The following PCNX1 variants were observed in gnomAD, a reference collection of about 807,000 sequenced individuals.
The protein encoded by PCNX1 is pecanex-like protein 1.
A neutral mutation model predicts 242.2 loss-of-function variants in PCNX1; 78 were observed. The ratio of observed to expected loss-of-function variants is 0.32; its 90% CI spans 0.27 to 0.39. The LOEUF is 0.39. PCNX1 is among the 10% of genes least tolerant of loss of function. The pLI is 1.00. For missense variants in PCNX1, 2,581 were observed against 2,856.5 expected, an observed-to-expected ratio of 0.90 and a Z score of 2.20; for synonymous variants, 1,024 against 1,032.9, an observed-to-expected ratio of 0.99 and a Z score of 0.17.
chr14:70,921,860 C>T (rs2056389779), intron 1 of PCNX1, among the ~76,000 whole-genome samples: 1 of 152,126 alleles, frequency 6.6e-6, no homozygotes, highest in Admixed American at 6.5e-5. Flanking sequence ...ATGTTGCAAA[C>T]ATTATGACAC....
Position 70,994,427 on chromosome 14 carries a change from A to ATATATGTATG in PCNX1, c.2445-1311_2445-1310insATGTATGTAT, listed in dbSNP as rs930212552. ...TATATATATATATATATATATATAT[A>ATATATGTATG]TATGTATGTATGTATGTTTCAACAT... On this transcript the variant is annotated intron_variant, in intron 7 of 35. Transcript: ENST00000304743. Among the ~76,000 whole-genome samples the ATATATGTATG allele has an allele frequency of 9.6e-4, 85 of 88,682 alleles. 2 individuals carry two copies. The highest frequency in any genetic ancestry group is 3.5e-3 in the African/African-American group (85 of 24,048). 58.2% of individuals were successfully genotyped at this position (88,682 alleles called of 152,430 possible). A position where few individuals can be genotyped will look rare whatever the true frequency, so the allele number is the denominator to read the frequency against.
At chr14:71,016,093 G>C (rs1362053627) in intron 11 of PCNX1, among the ~76,000 whole-genome samples, 1 of 152,156 alleles carries the variant, frequency 6.6e-6, no homozygotes, top group Non-Finnish European at 1.5e-5. Context: ...TTAACAAAAG[G>C]CTTATAGTAC....
intron 4 of PCNX1, 32 bp from the exon 5 acceptor site, chr14:70,968,989 A>G (rs756619703): frequency 8.1e-7 from 1 of 1,227,608 alleles, no homozygotes; most frequent in Non-Finnish European, 1.2e-6. Flanking sequence ...CTGTTAATAT[A>G]AGGTCCTCAC....
rs79385311 is a variant in PCNX1 at position 70,928,928 on chromosome 14, T to C, written c.154-17987T>C. 1.4e-3 allele frequency among the ~76,000 whole-genome samples: 208 copies of C among 152,338 alleles called. 1 individual carries two copies. The highest frequency in any genetic ancestry group is 4.9e-3 in the African/African-American group (204 of 41,582). On this transcript the variant is annotated intron_variant, in intron 1 of 35. Transcript: ENST00000304743. ...TTGCTGCTACTTGATGGTTTGGGAA[T>C]AGGTACCTTAATCTCATCAGAAAAC...
intron 26 of PCNX1, among the ~76,000 whole-genome samples, chr14:71,065,388 CAT>C (rs1354463429): frequency 1.3e-5 from 2 of 152,148 alleles, no homozygotes; most frequent in South Asian, 2.1e-4. Flanking sequence ...AGCTTTTCTT[CAT>C]ATGTTTTTTG....
chr14:71,053,179 C>T, intron 24 of PCNX1: 1 of 433,160 alleles, frequency 2.3e-6, no homozygotes, highest in South Asian at 1.7e-5. Flanking sequence ...AATTATTATT[C>T]CTCTGGACCA....
chr14:71,042,478 A>G (rs552894362), intron 19 of PCNX1, among the ~76,000 whole-genome samples: 1 of 152,136 alleles, frequency 6.6e-6, no homozygotes, highest in African/African-American at 2.4e-5. Flanking sequence ...TGATACAAGT[A>G]TAGCTCCGCC....
intron 26 of PCNX1, among the ~76,000 whole-genome samples, chr14:71,072,535 G>A (rs549225345): frequency 5.6e-4 from 85 of 152,130 alleles, no homozygotes; most frequent in Middle Eastern, 3.4e-3. Context: ...ATCTTTCATC[G>A]TACCACCACC....
chr14:71,004,797 C>T lies in PCNX1; in HGVS notation c.2630-4837C>T, dbSNP rs779272749. 3.1e-4 allele frequency among the ~76,000 whole-genome samples: 47 copies of T among 152,240 alleles called. 1 individual carries two copies. Among genetic ancestry groups the T allele is most frequent in the Non-Finnish European group, 4.7e-4 (32 of 68,012 alleles). On this transcript the variant is annotated intron_variant, in intron 8 of 35. Coordinates refer to ENST00000304743, the MANE Select transcript of PCNX1 (RefSeq NM_014982.3). ...AAGTATAATATATTCATTGAGATTG[C>T]ATTATGAACACAGTGCTATCTCCAT...
At chr14:70,924,211 GAC>G (rs2056493088) in intron 1 of PCNX1, among the ~76,000 whole-genome samples, 2 of 132,026 alleles carry the variant, frequency 1.5e-5, no homozygotes, top group East Asian at 2.2e-4. Flanking sequence ...CAGCCTGGGT[GAC>G]ACAGAGTGAG....
chr14:70,931,849 C>T (rs749485292), intron 1 of PCNX1, among the ~76,000 whole-genome samples: 7 of 152,224 alleles, frequency 4.6e-5, no homozygotes, highest in Non-Finnish European at 7.3e-5. Context: ...TAGGGCCAGG[C>T]ACGGTGGCTC....
intron 27 of PCNX1, among the ~76,000 whole-genome samples, chr14:71,074,267 T>A (rs1302655675): frequency 6.6e-6 from 1 of 152,194 alleles, no homozygotes; most frequent in East Asian, 1.9e-4. Flanking sequence ...CTGCTTTCAT[T>A]CAACAAACTG....
intron 25 of PCNX1, among the ~76,000 whole-genome samples, chr14:71,056,824 G>A (rs1187290158): frequency 4.0e-5 from 6 of 151,836 alleles, no homozygotes; most frequent in African/African-American, 7.2e-5. Flanking sequence ...GATTACAGGC[G>A]TGCACCATGA....
At chr14:71,051,862 C>A (rs928542397) in intron 23 of PCNX1, 21 bp from the exon 24 acceptor site, 4 of 1,608,380 alleles carry the variant, frequency 2.5e-6, no homozygotes, top group Non-Finnish European at 3.4e-6. Flanking sequence ...ATGTCAGTGT[C>A]CTTAACTAGT....
intron 18 of PCNX1, 45 bp from the exon 19 acceptor site, chr14:71,036,020 A>T (rs1437832498): frequency 1.4e-5 from 18 of 1,320,390 alleles, no homozygotes; most frequent in Non-Finnish European, 1.8e-5. Flanking sequence ...AAAGATTTTT[A>T]AAAATTTTAT....
intron 1 of PCNX1, among the ~76,000 whole-genome samples, chr14:70,910,255 C>G (rs2055837187): frequency 8.8e-6 from 1 of 113,296 alleles, no homozygotes; most frequent in Non-Finnish European, 1.9e-5. Context: ...ATCATCACGG[C>G]CATCAGGCCA....
chr14:70,962,371 T>C lies in PCNX1; in HGVS notation c.468+40T>C, dbSNP rs747412430. The C allele has an allele frequency of 6.7e-6, 7 of 1,047,266 alleles. No homozygotes were observed. In the Admixed American group the frequency reaches 6.8e-5, roughly 10 times the overall value. The allele number at this position is 1,047,266 out of a possible 1,614,324, so 64.9% of individuals were successfully genotyped here. ...TGTTTTATTTTGCCTTTTTCCCTCC[T>C]CCTGATGGTGGTCTCCGTTATTCTC... is the stretch of plus-strand genomic sequence containing the variant. On this transcript the variant is annotated intron_variant, in intron 3 of 35. Transcript: ENST00000304743.
chr14:70,921,046 A>G (rs1003210563), intron 1 of PCNX1, among the ~76,000 whole-genome samples: 3 of 152,176 alleles, frequency 2.0e-5, no homozygotes, highest in African/African-American at 7.2e-5. Context: ...TAAGTATTCT[A>G]ATTTATCTAA....
In PCNX1 at chr14:71,050,755, T is replaced by G; in HGVS notation, c.4442T>G (p.Val1481Gly). 6.2e-7 allele frequency: 1 copy of G among 1,613,366 alleles called. No homozygotes were observed. The stretch of plus-strand genomic sequence containing the variant: ...CATGCTTTTGCTCAGCCTTTTGCAG[T>G]GCCTCGTATCCTTCTAATTAAAGTT... ...AFHAFAQPFA[V>G]PHSAMLFIQA... The change falls in exon 23 of 36, where the codon GTG (valine) becomes GGG (glycine). Residue 1481 changes from valine (V) to glycine (G), a missense_variant. Physicochemically the swap from Val to Gly is moderately radical, Grantham distance 109 (BLOSUM62 -3). This residue lies in a region of PCNX1 where 99 missense variants were observed against 147.3 expected (regional missense o/e 0.67). Transcript: ENST00000304743.
Sources: allele counts gnomAD v4.1 joint callset (sites outside exome capture counted in the v4.1 genomes callset), GRCh38; gene constraint gnomAD v4.1.1; regional missense constraint gnomAD v4.1.1; transcripts MANE v1.5; gene names NCBI Gene and HGNC (gene_info 2026-07-23, HGNC 2026-07-21).